Variants in PCDH7 observed in about 807,000 individuals in gnomAD.
PCDH7 encodes protocadherin 7.
In PCDH7, 17 loss-of-function variants were observed where a neutral mutation model predicts 58.9. The observed-to-expected ratio is 0.29, with a 90% CI of 0.20 to 0.43. The LOEUF (loss-of-function observed/expected upper bound fraction) is 0.43. Among genes scored for constraint, PCDH7 ranks in the 20% least tolerant of loss-of-function variants. The probability of loss-of-function intolerance (pLI) is 1.00; values close to 1 mark genes in which losing one functional copy is unlikely to be tolerated. For synonymous variants in PCDH7, 664 were observed against 616.4 expected (o/e 1.08, Z -1.14); for missense variants, 1,274 against 1,441.0 (o/e 0.88, Z 1.88).
Position 30,721,233 on chromosome 4 carries a change from C to T in PCDH7, c.-190C>T, listed in dbSNP as rs909988804. 5.4e-6 allele frequency: 3 copies of T among 552,722 alleles called. No homozygotes were observed. Among genetic ancestry groups the T allele is most frequent in the East Asian group, 3.1e-5 (1 of 32,300 alleles). The allele number at this position is 552,722 out of a possible 1,614,324, so 34.2% of individuals were successfully genotyped here. ...CAGGAGGAAAAAAAGAAGCATCTAT[C>T]GCTGCCCTCCCACCCCCATTCCCGG... On this transcript the variant is annotated 5_prime_UTR_variant, in exon 1 of 2. Coordinates refer to ENST00000361762, the Ensembl canonical transcript of PCDH7. The surrounding 1 kb of genome is among the most constrained non-coding windows in gnomAD (Gnocchi z 6.7).
At chr4:31,122,727 CT>C (rs142078415) in intron 3 of PCDH7, among the ~76,000 whole-genome samples, 12 of 151,020 alleles carry the variant, frequency 7.9e-5, no homozygotes, top group African/African-American at 1.7e-4. Flanking sequence ...TTTAATGTCC[CT>C]TTTTTTTAAG....
At chr4:30,870,110 C>T (rs567541562) in intron 1 of PCDH7, among the ~76,000 whole-genome samples, 13 of 151,926 alleles carry the variant, frequency 8.6e-5, no homozygotes, top group Admixed American at 6.6e-5. Context: ...TCATATCCTT[C>T]GCCCACTTTT....
intron 1 of PCDH7, among the ~76,000 whole-genome samples, chr4:30,828,316 A>C (rs190734217): frequency 2.2e-4 from 34 of 152,182 alleles, no homozygotes; most frequent in Non-Finnish European, 4.4e-4. Flanking sequence ...ATAAATACAT[A>C]ATATATGCTT....
At chr4:30,954,636 C>G (rs960496263) in intron 3 of PCDH7, among the ~76,000 whole-genome samples, 2 of 152,112 alleles carry the variant, frequency 1.3e-5, no homozygotes, top group Non-Finnish European at 2.9e-5. Flanking sequence ...ATACCTTTTA[C>G]TCTGTCTTTT....
At chr4:30,728,324 A>G (rs1430541310) in intron 1 of PCDH7, among the ~76,000 whole-genome samples, 1 of 149,216 alleles carries the variant, frequency 6.7e-6, no homozygotes, top group African/African-American at 2.5e-5. Context: ...GAGAGAGAGC[A>G]TATATATATA....
intron 3 of PCDH7, among the ~76,000 whole-genome samples, chr4:30,953,327 G>A (rs1018906899): frequency 3.9e-5 from 6 of 151,996 alleles, no homozygotes; most frequent in African/African-American, 9.7e-5. Context: ...CAGACACTAT[G>A]TCATAATGTC....
At chr4:31,074,329 G>A (rs919687589) in intron 3 of PCDH7, among the ~76,000 whole-genome samples, 1 of 151,008 alleles carries the variant, frequency 6.6e-6, no homozygotes, top group African/African-American at 2.4e-5. Context: ...AGGGCAATAG[G>A]TGTTTAGTTG....
intron 1 of PCDH7, among the ~76,000 whole-genome samples, chr4:30,860,249 C>T (rs746677824): frequency 3.3e-5 from 5 of 152,096 alleles, no homozygotes; most frequent in African/African-American, 9.7e-5. Flanking sequence ...CATGACCTCT[C>T]TCTCTCCAGG....
chr4:30,956,003 T>C (rs1358780877), intron 3 of PCDH7, among the ~76,000 whole-genome samples: 1 of 148,028 alleles, frequency 6.8e-6, no homozygotes, highest in Admixed American at 6.8e-5. Context: ...GCTAACACGG[T>C]GAAACCCTGT....
intron 3 of PCDH7, among the ~76,000 whole-genome samples, chr4:31,047,848 A>C (rs1416808733): frequency 6.6e-6 from 1 of 152,072 alleles, no homozygotes; most frequent in African/African-American, 2.4e-5. Context: ...TTGAGAGACA[A>C]GATTTAAAAA....
chr4:31,098,530 A>T (rs1714473074), intron 3 of PCDH7, among the ~76,000 whole-genome samples: 1 of 152,210 alleles, frequency 6.6e-6, no homozygotes, highest in South Asian at 2.1e-4. Flanking sequence ...TGGGGAGAAC[A>T]ATGTTATGAT....
Position 30,722,771 on chromosome 4 carries a change from G to A in PCDH7, c.1349G>A (p.Arg450Gln), listed in dbSNP as rs745880446. 1 of 1,613,476 alleles carries A rather than the reference G, an allele frequency of 6.2e-7. No individual in the cohort carries two copies. The highest frequency in any genetic ancestry group is 1.3e-5 in the African/African-American group (1 of 74,950). The change falls in exon 1 of 2, where the codon CGA becomes CAA. Residue 450 changes from arginine (R) to glutamine (Q), a missense_variant. Physicochemically the swap from Arg to Gln is conservative, Grantham distance 43. Around this residue, in one of 3 missense-constraint regions of PCDH7, gnomAD observed 731 missense variants for 881.9 expected, o/e 0.83. Transcript: ENST00000361762. This position sits in a 1 kb window ranked among gnomAD's most constrained non-coding sequence, Gnocchi z 7.6. Reference sequence around the variant, plus strand: ...ATCGCTCTGGTGCAGGTGTCCGACCGAGACCAAGGCGAGAACGGGGTGGTC... The same window carrying A: ...ATCGCTCTGGTGCAGGTGTCCGACCAAGACCAAGGCGAGAACGGGGTGGTC...
intron 3 of PCDH7, among the ~76,000 whole-genome samples, chr4:30,973,601 G>A (rs1203121845): frequency 6.6e-6 from 1 of 152,136 alleles, no homozygotes; most frequent in Non-Finnish European, 1.5e-5. Flanking sequence ...GATAATGATG[G>A]TAATAGCAGC....
downstream of PCDH7, among the ~76,000 whole-genome samples, chr4:30,736,652 C>T (rs1378392924): frequency 6.6e-6 from 1 of 151,532 alleles, no homozygotes; most frequent in African/African-American, 2.4e-5. Flanking sequence ...TCTCCTGCCT[C>T]AGCCTCCCGA....
intron 3 of PCDH7, among the ~76,000 whole-genome samples, chr4:31,053,306 G>C (rs529197564): frequency 3.9e-4 from 59 of 152,044 alleles, no homozygotes; most frequent in Middle Eastern, 3.4e-3. Context: ...CTATCTTTCT[G>C]AACTTTACAT....
chr4:30,752,461 T>A (rs749728279), intron 1 of PCDH7, among the ~76,000 whole-genome samples: 1 of 152,212 alleles, frequency 6.6e-6, no homozygotes, highest in Non-Finnish European at 1.5e-5. Flanking sequence ...AGCTACCTGG[T>A]GTCTCCTCTT....
chr4:31,047,485 A>G (rs2109214447), intron 3 of PCDH7, among the ~76,000 whole-genome samples: 1 of 152,106 alleles, frequency 6.6e-6, no homozygotes, highest in South Asian at 2.1e-4. Flanking sequence ...CCTTTCCCTG[A>G]TTATCTAGCT....
At chr4:30,748,456 A>C (rs562329428) in intron 1 of PCDH7, among the ~76,000 whole-genome samples, 1 of 152,302 alleles carries the variant, frequency 6.6e-6, no homozygotes, top group South Asian at 2.1e-4. Context: ...TCATGTTGGA[A>C]GGCAACACAT....
intron 1 of PCDH7, among the ~76,000 whole-genome samples, chr4:30,770,028 G>A (rs964058185): frequency 6.6e-6 from 1 of 152,150 alleles, no homozygotes; most frequent in Non-Finnish European, 1.5e-5. Context: ...CTTTGTACTT[G>A]AAAAACACCC....
Sources: allele counts gnomAD v4.1 joint callset (sites outside exome capture counted in the v4.1 genomes callset), GRCh38; gene constraint gnomAD v4.1.1; regional missense constraint gnomAD v4.1.1; non-coding constraint Gnocchi (gnomAD v3.1); transcripts MANE v1.5; gene names NCBI Gene and HGNC (gene_info 2026-07-23, HGNC 2026-07-21).